The following B3GALNT2 variants were observed in gnomAD, a reference collection of about 807,000 sequenced individuals.
The protein encoded by B3GALNT2 is beta-1,3-N-acetylgalactosaminyltransferase 2, also known as UDP-GalNAc:beta-1,3-N-acetylgalactosaminyltransferase 2.
A neutral mutation model predicts 61.1 loss-of-function variants in B3GALNT2; 53 were observed. That is an observed-to-expected ratio of 0.87 (90% CI 0.70 to 1.09). The LOEUF (loss-of-function observed/expected upper bound fraction) is 1.09. Among genes scored for constraint, B3GALNT2 ranks in the 50% least tolerant of loss-of-function variants. The probability of loss-of-function intolerance (pLI) is 0.00; values close to 1 mark genes in which losing one functional copy is unlikely to be tolerated. For synonymous variants in B3GALNT2, 223 were observed against 237.4 expected (o/e 0.94, Z 0.56); for missense variants, 544 against 623.0 (o/e 0.87, Z 1.35).
At chr1:235,442,698 T>C (rs776594154), downstream of B3GALNT2, among the ~76,000 whole-genome samples, 4 of 152,330 alleles carry the variant, frequency 2.6e-5, no homozygotes, top group Non-Finnish European at 4.4e-5. Flanking sequence ...TAGCAATCCA[T>C]GGAAGGATTA....
rs1682514145 is a variant in B3GALNT2, at chr1:235,447,916, A to G, written c.*2290T>C. On this transcript the variant is annotated 3_prime_UTR_variant, in exon 12 of 12. Transcript: ENST00000366600. Reference sequence around the variant, plus strand: ...CTTACTTGGGTAAAGTGACTTGGGTAAAATGAAAGATACAGCCAGGCGCTG... The same window carrying G: ...CTTACTTGGGTAAAGTGACTTGGGTGAAATGAAAGATACAGCCAGGCGCTG... Among the ~76,000 whole-genome samples, 1 of 152,200 alleles carries G rather than the reference A, an allele frequency of 6.6e-6. No individual in the cohort carries two copies. Among genetic ancestry groups the G allele is most frequent in the Non-Finnish European group, 1.5e-5 (1 of 68,030 alleles).
chr1:235,465,360 G>C (rs986820964), intron 7 of B3GALNT2: 3 of 333,460 alleles, frequency 9.0e-6, no homozygotes, highest in African/African-American at 6.7e-5. Flanking sequence ...CAAATCCATA[G>C]AGAAAGAAAG....
At chr1:235,451,521 CA>C (rs1328268153) in intron 11 of B3GALNT2, 1 of 133,670 alleles carries the variant, frequency 7.5e-6, no homozygotes, top group African/African-American at 2.8e-5. Context: ...GCGCCATGAA[CA>C]ACAGTTGTAG....
intron 11 of B3GALNT2, 34 bp downstream of exon 11, chr1:235,453,055 TC>T: frequency 6.4e-7 from 1 of 1,562,692 alleles, no homozygotes. Context: ...CCTCCTCAAC[TC>T]TTAAGAACCC....
At position 235,489,210 on chromosome 1, in the gene B3GALNT2, C is replaced by T; in HGVS notation, c.319G>A (p.Glu107Lys). 6.2e-7 allele frequency: 1 copy of T among 1,614,036 alleles called. No individual in the cohort carries two copies. The highest frequency in any genetic ancestry group is 8.5e-7 in the Non-Finnish European group (1 of 1,179,988). The change falls in exon 3 of 12, where the codon GAG becomes AAG. Residue 107 changes from glutamate (E) to lysine (K), a missense_variant. Physicochemically the swap from Glu to Lys is moderately conservative, Grantham distance 56. Transcript: ENST00000366600. ...HGCEVPVEDR[E>K]DPYSCKLLNI... is the part of the protein sequence containing the mutation. ...AGTAGTTTACAGGAATAAGGATCCT[C>T]CCTGTCTTCCACAGGCACTTCACAG... is the stretch of plus-strand genomic sequence containing the variant.
At chr1:235,489,405 T>G in intron 2 of B3GALNT2, 137 bp from the exon 3 acceptor site, 2 of 1,359,702 alleles carry the variant, frequency 1.5e-6, no homozygotes, top group Admixed American at 5.6e-5. Flanking sequence ...ATTCTTCTAG[T>G]CAGACAAAAT....
intron 2 of B3GALNT2, among the ~76,000 whole-genome samples, chr1:235,490,350 C>G (rs1470638528): frequency 2.0e-5 from 3 of 152,180 alleles, no homozygotes; most frequent in Non-Finnish European, 4.4e-5. Flanking sequence ...CCTGCCTCAG[C>G]CTCCTAAGTG....
At chr1:235,481,165 A>G (rs1684549182) in intron 4 of B3GALNT2, among the ~76,000 whole-genome samples, 2 of 152,158 alleles carry the variant, frequency 1.3e-5, no homozygotes, top group South Asian at 4.1e-4. Flanking sequence ...CAGTATAAGA[A>G]TAGTTTTTGC....
chr1:235,474,548 G>A (rs528437609), intron 5 of B3GALNT2, among the ~76,000 whole-genome samples: 384 of 152,152 alleles, frequency 2.5e-3, no homozygotes, highest in Middle Eastern at 6.8e-3. Context: ...GGCTGGGCAC[G>A]GTGGCTCACA....
At position 235,448,831 on chromosome 1, in the gene B3GALNT2, C is replaced by A; in HGVS notation, c.*1375G>T. ...TGGGGTTCACCGGAAATAAATGATT[C>A]ACTGGAACAATTCTACTGTCAAAAC... On this transcript the variant is annotated 3_prime_UTR_variant, in exon 12 of 12. Transcript: ENST00000366600. 2.6e-6 allele frequency: 3 copies of A among 1,133,818 alleles called. No individual in the cohort carries two copies. Among genetic ancestry groups the A allele is most frequent in the Non-Finnish European group, 4.0e-6 (3 of 752,888 alleles). 70.2% of individuals were successfully genotyped at this position (1,133,818 alleles called of 1,614,324 possible).
rs754622363 is a variant in B3GALNT2, at chr1:235,448,308, T to G, written c.*1898A>C. On this transcript the variant is annotated 3_prime_UTR_variant, in exon 12 of 12. Transcript: ENST00000366600. Reference sequence around the variant, plus strand: ...CATGAGCTAGTTTTACAGGTAACTGTCATTTGAGAGAACGAATGGACTTTT... The same window carrying G: ...CATGAGCTAGTTTTACAGGTAACTGGCATTTGAGAGAACGAATGGACTTTT... 1.3e-6 allele frequency: 2 copies of G among 1,558,478 alleles called. No individual in the cohort carries two copies. Among genetic ancestry groups the G allele is most frequent in the South Asian group, 2.2e-5 (2 of 89,872 alleles).
intron 7 of B3GALNT2, among the ~76,000 whole-genome samples, chr1:235,459,763 G>T (rs756858899): frequency 6.6e-6 from 1 of 152,136 alleles, no homozygotes; most frequent in Non-Finnish European, 1.5e-5. Flanking sequence ...AGAACCACAA[G>T]GAAAAGGTTT....
At chr1:235,493,434 C>T (rs1558440401) in intron 2 of B3GALNT2, among the ~76,000 whole-genome samples, 1 of 152,128 alleles carries the variant, frequency 6.6e-6, no homozygotes, top group Non-Finnish European at 1.5e-5. Context: ...AGAAACCTGT[C>T]TTGAAAAGGA....
intron 1 of B3GALNT2, among the ~76,000 whole-genome samples, chr1:235,499,707 A>G (rs1685500153): frequency 6.6e-6 from 1 of 152,216 alleles, no homozygotes; most frequent in Non-Finnish European, 1.5e-5. Flanking sequence ...AAGTATAGAT[A>G]GCTATGTGGA....
chr1:235,456,773 T>C (rs888209729), intron 8 of B3GALNT2, among the ~76,000 whole-genome samples: 9 of 152,196 alleles, frequency 5.9e-5, no homozygotes, highest in African/African-American at 9.7e-5. Flanking sequence ...GGAAATATCT[T>C]GCTCTAAAGA....
chr1:235,489,313 C>A, intron 2 of B3GALNT2, 45 bp from the exon 3 acceptor site: 1 of 1,606,368 alleles, frequency 6.2e-7, no homozygotes, highest in Non-Finnish European at 8.5e-7. Flanking sequence ...ATCTTCACCT[C>A]GCACATGCAC....
At chr1:235,463,951 T>C (rs562382616) in intron 7 of B3GALNT2, 5 of 152,318 alleles carry the variant, frequency 3.3e-5, no homozygotes, top group Admixed American at 3.3e-4. Context: ...ATCAATGGAA[T>C]AGAATTGAGA....
intron 5 of B3GALNT2, among the ~76,000 whole-genome samples, chr1:235,476,514 G>A (rs919198186): frequency 1.3e-5 from 2 of 151,902 alleles, no homozygotes; most frequent in Non-Finnish European, 2.9e-5. Context: ...AGAAGTTCAA[G>A]ACCAGCCTGC....
At chr1:235,443,736 A>C (rs920587884), downstream of B3GALNT2, among the ~76,000 whole-genome samples, 1 of 152,196 alleles carries the variant, frequency 6.6e-6, no homozygotes, top group South Asian at 2.1e-4. Context: ...TGCAAAAACA[A>C]TTCGCAGATG....
Sources: allele counts gnomAD v4.1 joint callset (sites outside exome capture counted in the v4.1 genomes callset), GRCh38; gene constraint gnomAD v4.1.1; transcripts MANE v1.5; gene names NCBI Gene and HGNC (gene_info 2026-07-23, HGNC 2026-07-21).